The following ERICH3 variants were observed in gnomAD, a reference collection of about 807,000 sequenced individuals.
ERICH3 encodes the protein glutamate-rich protein 3.
ERICH3 carries 126 observed loss-of-function variants against 131.1 expected under a neutral mutation model. That is an observed-to-expected ratio of 0.96 (90% CI 0.83 to 1.11). The LOEUF (loss-of-function observed/expected upper bound fraction) is 1.11. Ranked by LOEUF, ERICH3 falls within the 50% of genes most tolerant of loss-of-function variation. The pLI is 0.00. For missense variants in ERICH3, 2,050 were observed against 1,810.7 expected, an observed-to-expected ratio of 1.13 and a Z score of -2.40; for synonymous variants, 695 against 644.6, an observed-to-expected ratio of 1.08 and a Z score of -1.18.
intron 5 of ERICH3, among the ~76,000 whole-genome samples, chr1:74,639,815 T>C (rs1646422170): frequency 6.6e-6 from 1 of 151,964 alleles, no homozygotes; most frequent in Non-Finnish European, 1.5e-5. Context: ...AAGAAAAAAA[T>C]CAATGGCAAG....
chr1:74,640,983 A>C (rs1456031244), intron 5 of ERICH3, among the ~76,000 whole-genome samples: 1 of 152,116 alleles, frequency 6.6e-6, no homozygotes, highest in Non-Finnish European at 1.5e-5. Context: ...GGAATAGCTA[A>C]TTTGAGGTCA....
intron 9 of ERICH3, among the ~76,000 whole-genome samples, chr1:74,607,669 A>G (rs192112453): frequency 3.2e-4 from 49 of 152,112 alleles, no homozygotes; most frequent in Admixed American, 7.2e-4. Context: ...AGAGGTTATG[A>G]AGTCATTCCA....
At chr1:74,629,191 G>A (rs561201012) in intron 7 of ERICH3, among the ~76,000 whole-genome samples, 115 of 151,706 alleles carry the variant, frequency 7.6e-4, no homozygotes, top group South Asian at 1.7e-3. Context: ...ATTGAAACAT[G>A]GCAGGAGAAA....
chr1:74,623,322 C>G (rs1649296613), intron 7 of ERICH3: 1 of 152,142 alleles, frequency 6.6e-6, no homozygotes, highest in African/African-American at 2.4e-5. Context: ...AGTGGTTAAC[C>G]CATCAGTCAT....
At chr1:74,649,727 C>T (rs1570907708) in intron 1 of ERICH3, among the ~76,000 whole-genome samples, 1 of 152,104 alleles carries the variant, frequency 6.6e-6, no homozygotes, top group East Asian at 1.9e-4. Context: ...ATACCCTAAA[C>T]TCTGGTAACT....
intron 1 of ERICH3, among the ~76,000 whole-genome samples, chr1:74,663,430 A>G (rs1017411656): frequency 6.6e-6 from 1 of 152,136 alleles, no homozygotes; most frequent in African/African-American, 2.4e-5. Flanking sequence ...GACATGGTTG[A>G]CTGGCTACTA....
At chr1:74,627,062 C>T (rs1301145272) in intron 7 of ERICH3, among the ~76,000 whole-genome samples, 4 of 152,090 alleles carry the variant, frequency 2.6e-5, no homozygotes, top group African/African-American at 4.8e-5. Flanking sequence ...AGAGCCATCT[C>T]CCCTTAAATG....
intron 7 of ERICH3, among the ~76,000 whole-genome samples, chr1:74,627,941 A>G (rs181454925): frequency 6.6e-6 from 1 of 152,316 alleles, no homozygotes; most frequent in East Asian, 1.9e-4. Context: ...ACTTACACAT[A>G]CTCTTAACAG....
Position 74,612,796 on chromosome 1 carries a change from A to T in ERICH3, c.1014T>A (p.Phe338Leu). The T allele has an allele frequency of 6.3e-7, 1 of 1,580,470 alleles. No individual in the cohort carries two copies. Residue 338 changes from phenylalanine to leucine, a missense_variant, in exon 9 of 15, where the codon TTT (phenylalanine) becomes TTA (leucine). Coordinates refer to ENST00000326665, the MANE Select transcript of ERICH3 (RefSeq NM_001002912.5). Reference protein sequence around the residue: ...GKLLEKETFQFISKRHHGFPF... With the variant: ...GKLLEKETFQLISKRHHGFPF... ...GGAAACCATGATGCCTTTTGGAAAT[A>T]AACTGAAAGGTCTCTGGAATTAAAA...
intron 6 of ERICH3, among the ~76,000 whole-genome samples, chr1:74,633,689 C>G (rs1190466085): frequency 2.6e-5 from 4 of 151,966 alleles, no homozygotes; most frequent in African/African-American, 7.2e-5. Flanking sequence ...TAGGTATCTT[C>G]CAATTGTTCA....
At chr1:74,573,852 T>C (rs1032184059) in intron 13 of ERICH3, among the ~76,000 whole-genome samples, 4 of 152,294 alleles carry the variant, frequency 2.6e-5, no homozygotes, top group Non-Finnish European at 5.9e-5. Flanking sequence ...TTCTCTTGGC[T>C]TCCTCTTTCT....
rs531043192 is a variant in ERICH3 at position 74,669,090 on chromosome 1, G to C, written c.23+4407C>G. ...ATACACATACTCTGTAAAATTGACA[G>C]CTTGACCTAACGGTAGTTTTTAATC... On this transcript the variant is annotated intron_variant, in intron 1 of 14. Transcript: ENST00000326665. Among the ~76,000 whole-genome samples, 701 of 152,224 alleles carry C rather than the reference G, an allele frequency of 4.6e-3. 8 individuals carry two copies. Among genetic ancestry groups the C allele is most frequent in the Non-Finnish European group, 7.3e-3 (499 of 67,984 alleles).
At chr1:74,668,252 G>A (rs762192853) in intron 1 of ERICH3, among the ~76,000 whole-genome samples, 7 of 152,220 alleles carry the variant, frequency 4.6e-5, no homozygotes, top group Non-Finnish European at 8.8e-5. Flanking sequence ...TGCACTTCCA[G>A]TCATGTTGAT....
At position 74,634,682 on chromosome 1, in the gene ERICH3, G is replaced by T. The variant is rs1304610939; in HGVS notation, c.603+1598C>A. ...ATAATCACCTTGGCAAGCATGGAAA[G>T]CACCCATCCAAGTACTATCTAGGGG... On this transcript the variant is annotated intron_variant, in intron 6 of 14. Transcript: ENST00000326665. 4.2e-6 allele frequency: 3 copies of T among 714,682 alleles called. No individual in the cohort carries two copies. In the Admixed American group the frequency reaches 6.0e-5, roughly 14 times the overall value. The allele number at this position is 714,682 out of a possible 1,614,324, so 44.3% of individuals were successfully genotyped here. A position where few individuals can be genotyped will look rare whatever the true frequency, so the allele number is the denominator to read the frequency against.
chr1:74,618,229 G>A (rs980914439), intron 8 of ERICH3, among the ~76,000 whole-genome samples: 1 of 152,150 alleles, frequency 6.6e-6, no homozygotes, highest in African/African-American at 2.4e-5. Context: ...TTTGAGTGCT[G>A]ACTGAAAGCT....
intron 11 of ERICH3, among the ~76,000 whole-genome samples, chr1:74,598,812 T>C (rs1176409270): frequency 1.3e-5 from 2 of 151,926 alleles, no homozygotes; most frequent in African/African-American, 2.4e-5. Flanking sequence ...TTGTTAGGAA[T>C]GTGAATTATA....
intron 1 of ERICH3, among the ~76,000 whole-genome samples, chr1:74,652,230 C>T (rs1333527459): frequency 6.6e-6 from 1 of 152,092 alleles, no homozygotes; most frequent in Non-Finnish European, 1.5e-5. Flanking sequence ...AAATTATATA[C>T]AGATTTGGTA....
At chr1:74,650,868 GTA>G (rs1553167017) in intron 1 of ERICH3, among the ~76,000 whole-genome samples, 3 of 136,502 alleles carry the variant, frequency 2.2e-5, no homozygotes, top group Non-Finnish European at 3.2e-5. Flanking sequence ...GTGTGTGTGT[GTA>G]TACTTATATA....
At chr1:74,617,187 A>AG (rs1649006525) in intron 8 of ERICH3, among the ~76,000 whole-genome samples, 1 of 149,434 alleles carries the variant, frequency 6.7e-6, no homozygotes, top group South Asian at 2.1e-4. Flanking sequence ...AAAAAAAAAA[A>AG]GGAAGGAAAA....
Sources: gnomAD v4.1 joint callset for allele counts (sites outside exome capture counted in the v4.1 genomes callset) on GRCh38, gnomAD v4.1.1 for gene constraint, MANE v1.5 for transcripts, NCBI Gene and HGNC (gene_info 2026-07-23, HGNC 2026-07-21) for gene names.